Variants in DEDD2 observed in about 807,000 individuals in gnomAD.
DEDD2 encodes the protein DNA-binding death effector domain-containing protein 2.
Under a neutral mutation model 28.9 loss-of-function variants are expected in DEDD2, and 18 were observed. That is an observed-to-expected ratio of 0.62 (90% confidence interval 0.43 to 0.92). The LOEUF (loss-of-function observed/expected upper bound fraction) is 0.92, where lower values mean the gene tolerates loss of function less well. DEDD2 is among the 40% of genes least tolerant of loss of function. DEDD2 has a pLI of 0.00. For missense variants in DEDD2, 411 were observed against 463.3 expected, an observed-to-expected ratio of 0.89 and a Z score of 1.04; for synonymous variants, 211 against 206.1, an observed-to-expected ratio of 1.02 and a Z score of -0.20.
chr19:42,218,299 A>T (rs1221899400), upstream of DEDD2, among the ~76,000 whole-genome samples: 1 of 134,308 alleles, frequency 7.4e-6, no homozygotes, highest in Non-Finnish European at 1.5e-5. Flanking sequence ...CCCTCATCTC[A>T]CGTTCAGGAC....
At chr19:42,200,949 GAC>G (rs1187606635) in intron 4 of DEDD2, among the ~76,000 whole-genome samples, 1 of 151,388 alleles carries the variant, frequency 6.6e-6, no homozygotes, top group Non-Finnish European at 1.5e-5. Flanking sequence ...TTAGGCTAGT[GAC>G]AGTACCCCCT....
At chr19:42,205,417 G>A (rs1003907929) in intron 4 of DEDD2, among the ~76,000 whole-genome samples, 7 of 152,046 alleles carry the variant, frequency 4.6e-5, no homozygotes, top group African/African-American at 7.3e-5. Context: ...ATCACCTGAG[G>A]TCGGGAGTTC....
chr19:42,216,636 C>T, intron 2 of DEDD2, 44 bp downstream of exon 2: 1 of 1,498,254 alleles, frequency 6.7e-7, no homozygotes, highest in South Asian at 1.3e-5. Context: ...GGGAGCCAGG[C>T]CCTTTCCTCC....
intron 3 of DEDD2, among the ~76,000 whole-genome samples, chr19:42,212,251 C>T (rs1311513355): frequency 7.0e-6 from 1 of 142,260 alleles, no homozygotes; most frequent in Non-Finnish European, 1.5e-5. Context: ...CTGTAGTCCC[C>T]GCTACTCAGG....
chr19:42,199,224 G>A lies in DEDD2; in HGVS notation c.*214C>T, dbSNP rs965384318. 1.1e-5 allele frequency: 8 copies of A among 720,986 alleles called. No homozygotes were observed. The highest frequency in any genetic ancestry group is 5.3e-5 in the African/African-American group (3 of 56,178). 44.7% of individuals were successfully genotyped at this position (720,986 alleles called of 1,614,324 possible). ...GGAGGCTAAGGGGGCACACCTGGGGGTAGGAGGAGTCTGGGAAGGAAACTC... is the reference window on the plus strand; with the variant it reads ...GGAGGCTAAGGGGGCACACCTGGGGATAGGAGGAGTCTGGGAAGGAAACTC... On this transcript the variant is annotated 3_prime_UTR_variant, in exon 5 of 5. Transcript: ENST00000596251. The surrounding 1 kb of genome is among the most constrained non-coding windows in gnomAD (Gnocchi z 7.4).
Position 42,199,897 on chromosome 19 carries a change from C to T in DEDD2, c.590-68G>A. ...AGACACACTTATGGGGAACGCCACC[C>T]TTCCTCCCTCCAGCCTTCTCCCTCC... On this transcript the variant is annotated intron_variant, in intron 4 of 4. Coordinates refer to ENST00000596251, the MANE Select transcript of DEDD2 (RefSeq NM_133328.4). The surrounding 1 kb of genome is among the most constrained non-coding windows in gnomAD (Gnocchi z 7.4). 6.7e-7 allele frequency: 1 copy of T among 1,491,346 alleles called. No individual in the cohort carries two copies. The highest frequency in any genetic ancestry group is 1.3e-5 in the South Asian group (1 of 74,860). 92.4% of individuals were successfully genotyped at this position (1,491,346 alleles called of 1,614,324 possible).
At chr19:42,208,528 G>A (rs557492857) in intron 4 of DEDD2, among the ~76,000 whole-genome samples, 1 of 152,228 alleles carries the variant, frequency 6.6e-6, no homozygotes, top group African/African-American at 2.4e-5. Flanking sequence ...TCCAGATGGA[G>A]TTAGAGTTCC....
intron 4 of DEDD2, among the ~76,000 whole-genome samples, chr19:42,206,927 C>G (rs1302861201): frequency 6.6e-6 from 1 of 152,210 alleles, no homozygotes; most frequent in African/African-American, 2.4e-5. Flanking sequence ...TCCAGCCCCA[C>G]CCTGCCTGGT....
At chr19:42,210,488 G>A (rs1393163107) in intron 3 of DEDD2, among the ~76,000 whole-genome samples, 1 of 151,932 alleles carries the variant, frequency 6.6e-6, no homozygotes, top group Non-Finnish European at 1.5e-5. Context: ...CCGCCTCCCG[G>A]GTTCAAGCAA....
At chr19:42,215,000 A>C (rs2035907045) in intron 3 of DEDD2, 133 bp downstream of exon 3, 6 of 1,040,568 alleles carry the variant, frequency 5.8e-6, no homozygotes, top group East Asian at 5.4e-5. Context: ...TGTAGCAATA[A>C]ACACACACAC....
At chr19:42,214,349 T>C (rs768236241) in intron 3 of DEDD2, among the ~76,000 whole-genome samples, 22 of 151,860 alleles carry the variant, frequency 1.4e-4, no homozygotes, top group Non-Finnish European at 2.8e-4. Context: ...TTCCAGCTAC[T>C]TGGGAGGCTG....
intron 2 of DEDD2, among the ~76,000 whole-genome samples, chr19:42,216,408 C>A (rs1171275969): frequency 6.6e-6 from 1 of 152,216 alleles, no homozygotes; most frequent in Non-Finnish European, 1.5e-5. Context: ...GACTATAAGG[C>A]ACTAGTTCAT....
At chr19:42,203,357 T>C (rs779240320) in intron 4 of DEDD2, among the ~76,000 whole-genome samples, 2 of 152,122 alleles carry the variant, frequency 1.3e-5, no homozygotes, top group Non-Finnish European at 1.5e-5. Context: ...GGAGGACAAG[T>C]AGGTTTAGAA....
chr19:42,213,977 A>T (rs1306432410), intron 3 of DEDD2, among the ~76,000 whole-genome samples: 3 of 152,208 alleles, frequency 2.0e-5, no homozygotes. Context: ...TTCTCCACGG[A>T]TGCCTAATTT....
chr19:42,203,466 G>A (rs2035410096), intron 4 of DEDD2, among the ~76,000 whole-genome samples: 2 of 152,210 alleles, frequency 1.3e-5, no homozygotes, highest in South Asian at 2.1e-4. Context: ...ACAGGCTGAG[G>A]GGCCGGCGTG....
Position 42,199,923 on chromosome 19 carries a change from A to T in DEDD2, c.590-94T>A. ...TTCCTCCCTCCAGCCTTCTCCCTCC[A>T]CCCCCTTCCGGTAGCCACACCCTAG... On this transcript the variant is annotated intron_variant, in intron 4 of 4. Coordinates refer to ENST00000596251, the MANE Select transcript of DEDD2 (RefSeq NM_133328.4). The surrounding 1 kb of genome is among the most constrained non-coding windows in gnomAD (Gnocchi z 7.4). The T allele has an allele frequency of 1.4e-6, 2 of 1,463,028 alleles. No homozygotes were observed. The highest frequency in any genetic ancestry group is 1.8e-6 in the Non-Finnish European group (2 of 1,102,154). The allele number at this position is 1,463,028 out of a possible 1,614,324, so 90.6% of individuals were successfully genotyped here.
At chr19:42,207,704 T>C (rs545481958) in intron 4 of DEDD2, among the ~76,000 whole-genome samples, 2 of 152,256 alleles carry the variant, frequency 1.3e-5, no homozygotes, top group South Asian at 2.1e-4. Flanking sequence ...CCTGGAACAG[T>C]GCTTGGCATA....
chr19:42,200,705 A>C (rs1270284294), intron 4 of DEDD2, among the ~76,000 whole-genome samples: 1 of 152,202 alleles, frequency 6.6e-6, no homozygotes, highest in Non-Finnish European at 1.5e-5. Flanking sequence ...AGATAAAAAG[A>C]TTCCTGAGGT....
chr19:42,207,624 T>G (rs1413661635), intron 4 of DEDD2, among the ~76,000 whole-genome samples: 1 of 152,286 alleles, frequency 6.6e-6, no homozygotes, highest in South Asian at 2.1e-4. Flanking sequence ...TTATCTGTCT[T>G]GCCCACTATA....
Sources: gnomAD v4.1 joint callset for allele counts (sites outside exome capture counted in the v4.1 genomes callset) on GRCh38, gnomAD v4.1.1 for gene constraint, Gnocchi (gnomAD v3.1) non-coding constraint, MANE v1.5 for transcripts, NCBI Gene and HGNC (gene_info 2026-07-23, HGNC 2026-07-21) for gene names.